The following PHKB variants were observed in gnomAD, a reference collection of about 807,000 sequenced individuals.
The protein encoded by PHKB is phosphorylase kinase regulatory subunit beta, also known as phosphorylase b kinase regulatory subunit beta.
In PHKB, 122 loss-of-function variants were observed where a neutral mutation model predicts 152.1. The observed-to-expected ratio is 0.80, with a 90% CI of 0.69 to 0.93. The LOEUF is 0.93. PHKB is among the 40% of genes least tolerant of loss of function. PHKB has a pLI of 0.00. For synonymous variants in PHKB, 436 were observed against 464.9 expected, an observed-to-expected ratio of 0.94 and a Z score of 0.80; for missense variants, 1,304 against 1,328.4, an observed-to-expected ratio of 0.98 and a Z score of 0.29.
rs779720228 is a variant in PHKB, at chr16:47,641,650, A to G, written c.1566A>G (p.Gln522=). ...GTATTCAAACTCAAACTCCTCAACA[A>G]GTAGAACCCATTCAGATATGGCCTC... The part of the protein sequence containing the change: ...TYGIQTQTPQ[Q]VEPIQIWPQQ... The change falls in exon 16 of 31, where the codon CAA becomes CAG. Residue 522 remains glutamine (Q), a synonymous_variant. Coordinates refer to ENST00000323584, the MANE Select transcript of PHKB (RefSeq NM_000293.3). 5 of 1,607,690 alleles carry G rather than the reference A, an allele frequency of 3.1e-6. No homozygotes were observed. The highest frequency in any genetic ancestry group is 4.3e-6 in the Non-Finnish European group (5 of 1,174,114).
chr16:47,607,236 G>A (rs942215051), intron 13 of PHKB, among the ~76,000 whole-genome samples: 3 of 152,016 alleles, frequency 2.0e-5, no homozygotes, highest in Non-Finnish European at 4.4e-5. Flanking sequence ...TATTTATAGA[G>A]TTGTGCAACC....
intron 26 of PHKB, among the ~76,000 whole-genome samples, chr16:47,670,269 A>G (rs1973615602): frequency 1.3e-5 from 2 of 152,214 alleles, no homozygotes; most frequent in Admixed American, 6.5e-5. Context: ...GTGTTTCTCA[A>G]GTGTTTGAAA....
Position 47,648,584 on chromosome 16 carries a change from G to A in PHKB, c.1660G>A (p.Asp554Asn). Residue 554 changes from aspartate (D) to asparagine (N), a missense_variant, in exon 17 of 31, where the codon GAC (aspartate) becomes AAC (asparagine). Coordinates refer to ENST00000323584, the MANE Select transcript of PHKB (RefSeq NM_000293.3). Reference sequence around the variant, plus strand: ...AAAGTTAGGACTCTCTGGAAGGCCAGACAGGCCCATTGGCTGCCTCGGGAC... The same window carrying A: ...AAAGTTAGGACTCTCTGGAAGGCCAAACAGGCCCATTGGCTGCCTCGGGAC... Reference protein sequence around the residue: ...NEKLGLSGRPDRPIGCLGTSK... With the variant: ...NEKLGLSGRPNRPIGCLGTSK... 2 of 1,613,374 alleles carry A rather than the reference G, an allele frequency of 1.2e-6. No homozygotes were observed. The highest frequency in any genetic ancestry group is 1.7e-6 in the Non-Finnish European group (2 of 1,179,380).
At chr16:47,640,304 C>G (rs1451208269) in intron 14 of PHKB, among the ~76,000 whole-genome samples, 1 of 152,174 alleles carries the variant, frequency 6.6e-6, no homozygotes, top group African/African-American at 2.4e-5. Context: ...CTCCCTAATA[C>G]TGTAATTTAT....
At chr16:47,588,351 C>T (rs1470711176) in intron 9 of PHKB, among the ~76,000 whole-genome samples, 1 of 150,220 alleles carries the variant, frequency 6.7e-6, no homozygotes, top group Non-Finnish European at 1.5e-5. Context: ...AATACCCACT[C>T]ATGCCACTAC....
chr16:47,502,851 T>TGGA (rs1970345569), intron 3 of PHKB, 140 bp from the exon 4 acceptor site: 3 of 668,542 alleles, frequency 4.5e-6, no homozygotes, highest in Middle Eastern at 2.7e-4. Flanking sequence ...GCTGGGAAAA[T>TGGA]GGAGTTTCAC....
intron 6 of PHKB, among the ~76,000 whole-genome samples, chr16:47,532,025 ATATG>A (rs1430595121): frequency 2.0e-5 from 3 of 152,228 alleles, no homozygotes; most frequent in African/African-American, 7.2e-5. Context: ...CTGACACAAG[ATATG>A]TATCTAGAAT....
At chr16:47,566,410 TA>T (rs2151684861) in intron 7 of PHKB, 1 of 1,604,784 alleles carries the variant, frequency 6.2e-7, no homozygotes, top group South Asian at 1.1e-5. Flanking sequence ...ATTCTCCTGT[TA>T]CCTAGAGACT....
intron 11 of PHKB, 152 bp from the exon 12 acceptor site, chr16:47,593,985 C>T: frequency 1.7e-6 from 1 of 599,566 alleles, no homozygotes; most frequent in Non-Finnish European, 3.0e-6. Context: ...AAATATCACA[C>T]AGATTTGCAT....
chr16:47,479,421 C>T (rs1214229962), intron 1 of PHKB, among the ~76,000 whole-genome samples: 1 of 151,854 alleles, frequency 6.6e-6, no homozygotes, highest in African/African-American at 2.4e-5. Flanking sequence ...TCTTCAACAT[C>T]TCACACCCTC....
At chr16:47,543,484 G>C (rs970451651) in intron 6 of PHKB, among the ~76,000 whole-genome samples, 1 of 152,094 alleles carries the variant, frequency 6.6e-6, no homozygotes, top group Non-Finnish European at 1.5e-5. Context: ...GTGTCTGCCA[G>C]GCTTTAGTAT....
rs768482727 is a variant in PHKB, at chr16:47,665,938, C to G, written c.2427+963C>G. On this transcript the variant is annotated intron_variant, in intron 25 of 30. Coordinates refer to ENST00000323584, the MANE Select transcript of PHKB (RefSeq NM_000293.3). Reference sequence around the variant, plus strand: ...ATCTGGCCTGCTCTCTTCTTTGCCCCCAGGTCGGTTGTACGCCGTGCAGCA... The same window carrying G: ...ATCTGGCCTGCTCTCTTCTTTGCCCGCAGGTCGGTTGTACGCCGTGCAGCA... 42 of 1,610,646 alleles carry G rather than the reference C, an allele frequency of 2.6e-5. No homozygotes were observed. Among genetic ancestry groups the G allele is most frequent in the Non-Finnish European group, 3.5e-5 (41 of 1,176,918 alleles).
intron 1 of PHKB, 54 bp downstream of exon 1, chr16:47,461,480 C>T: frequency 6.3e-7 from 1 of 1,578,146 alleles, no homozygotes; most frequent in Non-Finnish European, 8.7e-7. Flanking sequence ...TGGTGCTTCG[C>T]CTCAAGCGCC....
chr16:47,503,686 G>A (rs1209646960), intron 4 of PHKB, among the ~76,000 whole-genome samples: 2 of 151,860 alleles, frequency 1.3e-5, no homozygotes, highest in South Asian at 2.1e-4. Flanking sequence ...AAAATTAGCC[G>A]GGCATGGTGG....
chr16:47,669,610 G>A (rs1279060218), intron 26 of PHKB, among the ~76,000 whole-genome samples, 193 bp downstream of exon 26: 4 of 152,114 alleles, frequency 2.6e-5, no homozygotes, highest in Non-Finnish European at 5.9e-5. Context: ...AATCCTTAAC[G>A]TTTATTTCAC....
intron 7 of PHKB, among the ~76,000 whole-genome samples, chr16:47,575,057 A>C (rs1480731566): frequency 6.6e-6 from 1 of 152,204 alleles, no homozygotes; most frequent in African/African-American, 2.4e-5. Flanking sequence ...AAGTTTTGTA[A>C]ATCAAATTGC....
At chr16:47,518,200 A>T (rs573710795) in intron 6 of PHKB, among the ~76,000 whole-genome samples, 112 of 152,304 alleles carry the variant, frequency 7.4e-4, no homozygotes, top group Non-Finnish European at 1.2e-3. Flanking sequence ...TTACTATAAA[A>T]TTTAAAATTT....
Position 47,515,588 on chromosome 16 carries a change from A to G in PHKB, c.581A>G (p.Tyr194Cys), listed in dbSNP as rs1156464859. Reference protein sequence around the residue: ...EMISSGLQIIYNTDEVSFIQN... With the variant: ...EMISSGLQIICNTDEVSFIQN... ...ATTTCCTCAGGACTCCAGATTATCT[A>G]CAACACTGATGAGGTATGCTTTCCC... The change falls in exon 6 of 31, where the codon TAC (tyrosine) becomes TGC (cysteine). Residue 194 changes from tyrosine to cysteine, a missense_variant. Transcript: ENST00000323584. 9.3e-6 allele frequency: 13 copies of G among 1,394,798 alleles called. No individual in the cohort carries two copies. The South Asian group carries it at 1.4e-4, about 15-fold the overall frequency. 86.4% of individuals were successfully genotyped at this position (1,394,798 alleles called of 1,614,324 possible).
At chr16:47,498,333 C>G (rs1970267631) in intron 2 of PHKB, among the ~76,000 whole-genome samples, 1 of 152,136 alleles carries the variant, frequency 6.6e-6, no homozygotes, top group Admixed American at 6.5e-5. Flanking sequence ...ATTTTTTACA[C>G]TGGGAAAAAT....
Sources: allele counts gnomAD v4.1 joint callset (sites outside exome capture counted in the v4.1 genomes callset), GRCh38; gene constraint gnomAD v4.1.1; transcripts MANE v1.5; gene names NCBI Gene and HGNC (gene_info 2026-07-23, HGNC 2026-07-21).